CENPP: variants seen among roughly 807,000 people sequenced by gnomAD.
CENPP encodes centromere protein P.
Under a neutral mutation model 35.6 loss-of-function variants are expected in CENPP, and 24 were observed. That is an observed-to-expected ratio of 0.67 (90% CI 0.49 to 0.95). The LOEUF is 0.95. Ranked by LOEUF, CENPP falls within the 40% of genes least tolerant of loss-of-function variation. CENPP has a pLI of 0.00. For synonymous variants in CENPP, 120 were observed against 125.5 expected (o/e 0.96, Z 0.29); for missense variants, 332 against 345.3 (o/e 0.96, Z 0.31).
At chr9:92,328,234 A>G (rs1257236664) in intron 1 of CENPP, among the ~76,000 whole-genome samples, 1 of 152,208 alleles carries the variant, frequency 6.6e-6, no homozygotes, top group African/African-American at 2.4e-5. Flanking sequence ...ATGTCAGTCC[A>G]GGGTGTTTGG....
intron 5 of CENPP, among the ~76,000 whole-genome samples, chr9:92,473,959 G>A (rs1845617254): frequency 6.6e-6 from 1 of 152,148 alleles, no homozygotes; most frequent in Admixed American, 6.5e-5. Context: ...TCCACAGTGG[G>A]GCCAGTCTCA....
chr9:92,361,171 C>T (rs185109082), intron 4 of CENPP, among the ~76,000 whole-genome samples: 1 of 148,222 alleles, frequency 6.7e-6, no homozygotes, highest in African/African-American at 2.4e-5. Context: ...GATGGAGTCA[C>T]ACTCTGTTGC....
At chr9:92,523,079 C>CT (rs80216324) in intron 5 of CENPP, among the ~76,000 whole-genome samples, 5,709 of 144,428 alleles carry the variant, frequency 0.04, 141 homozygotes, top group South Asian at 0.077. Context: ...AATCAAAAAA[C>CT]TTTTTTTTTT....
At chr9:92,522,863 T>G in intron 5 of CENPP, 1 of 1,591,594 alleles carries the variant, frequency 6.3e-7, no homozygotes, top group East Asian at 2.2e-5. Flanking sequence ...ACTGCAATCT[T>G]CATGTTTGAT....
At chr9:92,457,850 C>T (rs1283517241) in intron 5 of CENPP, among the ~76,000 whole-genome samples, 1 of 152,010 alleles carries the variant, frequency 6.6e-6, no homozygotes, top group Non-Finnish European at 1.5e-5. Context: ...TATAAACATA[C>T]ATATTTTTAA....
intron 5 of CENPP, among the ~76,000 whole-genome samples, chr9:92,435,228 A>G (rs1040621996): frequency 6.6e-6 from 1 of 152,142 alleles, no homozygotes; most frequent in Admixed American, 6.5e-5. Flanking sequence ...TAAATCCCCA[A>G]GGTTCAGAGT....
chr9:92,590,372 G>A (rs1422136229), intron 5 of CENPP, among the ~76,000 whole-genome samples: 1 of 152,202 alleles, frequency 6.6e-6, no homozygotes, highest in African/African-American at 2.4e-5. Flanking sequence ...TTACAAATGT[G>A]TGAATAAATG....
intron 5 of CENPP, among the ~76,000 whole-genome samples, chr9:92,488,007 G>A (rs1005555988): frequency 2.6e-5 from 4 of 152,156 alleles, no homozygotes; most frequent in Non-Finnish European, 4.4e-5. Context: ...AGATGATTTT[G>A]CCAACTGAAG....
chr9:92,519,791 A>G lies in CENPP; in HGVS notation c.565-91523A>G, dbSNP rs113247881. ...TTGGCAGTGGATTCTTAGATGTGAC[A>G]CCTAAAGTAAAAGATAAATTAGACT... On this transcript the variant is annotated intron_variant, in intron 5 of 7. Transcript: ENST00000375587. Among the ~76,000 whole-genome samples the G allele has an allele frequency of 2.4e-3, 361 of 152,282 alleles. 1 individual carries two copies. The highest frequency in any genetic ancestry group is 8.3e-3 in the African/African-American group (346 of 41,542).
At chr9:92,517,416 A>G (rs1161818451) in intron 5 of CENPP, 1 of 579,562 alleles carries the variant, frequency 1.7e-6, no homozygotes, top group East Asian at 2.9e-5. Flanking sequence ...CTGTTACCAT[A>G]TCTCTAAAGC....
intron 5 of CENPP, among the ~76,000 whole-genome samples, chr9:92,554,991 C>T (rs977090630): frequency 2.0e-5 from 3 of 149,926 alleles, no homozygotes; most frequent in South Asian, 4.3e-4. Flanking sequence ...TCAAGGATAT[C>T]GGTCTGTATT....
chr9:92,568,425 T>A (rs1305792023), intron 5 of CENPP, among the ~76,000 whole-genome samples: 2 of 152,230 alleles, frequency 1.3e-5, no homozygotes, highest in Non-Finnish European at 2.9e-5. Context: ...TCGTCATTTT[T>A]TATGGCTGCA....
At chr9:92,459,493 C>T (rs988331225) in intron 5 of CENPP, 6 of 758,056 alleles carry the variant, frequency 7.9e-6, no homozygotes, top group Admixed American at 2.9e-5. Flanking sequence ...CTTCTTAAAA[C>T]ACCTCATGCA....
At chr9:92,578,358 C>A (rs1486696614) in intron 5 of CENPP, among the ~76,000 whole-genome samples, 1 of 152,092 alleles carries the variant, frequency 6.6e-6, no homozygotes, top group African/African-American at 2.4e-5. Context: ...AGTTCTAGAT[C>A]CCTGAGGAAT....
chr9:92,591,425 A>C (rs1850661525), intron 5 of CENPP, among the ~76,000 whole-genome samples: 1 of 151,256 alleles, frequency 6.6e-6, no homozygotes, highest in South Asian at 2.1e-4. Flanking sequence ...TCTCAAAATA[A>C]ATAAATAAAT....
At chr9:92,500,792 A>T in intron 5 of CENPP, 4 of 1,614,232 alleles carry the variant, frequency 2.5e-6, no homozygotes, top group Non-Finnish European at 3.4e-6. Flanking sequence ...CAGGTGGTAT[A>T]GATTTTAAGT....
chr9:92,434,148 T>G (rs1423654022), intron 5 of CENPP, among the ~76,000 whole-genome samples: 1 of 152,128 alleles, frequency 6.6e-6, no homozygotes, highest in Non-Finnish European at 1.5e-5. Flanking sequence ...CCCAACACTT[T>G]GGGAGGCTGA....
Position 92,512,019 on chromosome 9 carries a change from CT to C in CENPP, c.565-99291del. ...TCAGAGCATGTATTTACCTTGAATG[CT>C]TTTGGACCTATGCCTGAAGAAGTGA... On this transcript the variant is annotated intron_variant, in intron 5 of 7. Coordinates refer to ENST00000375587, the MANE Select transcript of CENPP (RefSeq NM_001012267.3). 3 of 1,610,536 alleles carry C rather than the reference CT, an allele frequency of 1.9e-6. No individual in the cohort carries two copies. The South Asian group carries it at 3.3e-5, about 18-fold the overall frequency.
chr9:92,331,369 A>G (rs750737683), intron 1 of CENPP, among the ~76,000 whole-genome samples: 12 of 151,972 alleles, frequency 7.9e-5, no homozygotes, highest in Non-Finnish European at 1.8e-4. Flanking sequence ...TTTAGTAGAC[A>G]TGGGGTTTCA....
Sources: allele counts gnomAD v4.1 joint callset (sites outside exome capture counted in the v4.1 genomes callset), GRCh38; gene constraint gnomAD v4.1.1; transcripts MANE v1.5; gene names NCBI Gene and HGNC (gene_info 2026-07-23, HGNC 2026-07-21).